Variants in PPP1R12B observed in about 807,000 individuals in gnomAD.
PPP1R12B encodes the protein myosin phosphatase target subunit 2.
PPP1R12B carries 76 observed loss-of-function variants against 126.1 expected under a neutral mutation model. That is an observed-to-expected ratio of 0.60 (90% confidence interval 0.50 to 0.73). The LOEUF (loss-of-function observed/expected upper bound fraction) is 0.73. PPP1R12B is among the 30% of genes least tolerant of loss of function. PPP1R12B has a pLI of 0.00. For synonymous variants in PPP1R12B, 356 were observed against 434.7 expected, an observed-to-expected ratio of 0.82 and a Z score of 2.25; for missense variants, 1,052 against 1,205.1, an observed-to-expected ratio of 0.87 and a Z score of 1.88.
chr1:202,385,868 G>A (rs1663029830), intron 1 of PPP1R12B, among the ~76,000 whole-genome samples: 1 of 152,000 alleles, frequency 6.6e-6, no homozygotes, highest in Admixed American at 6.6e-5. Context: ...AGGGATGAAG[G>A]GACAATTATA....
chr1:202,520,824 A>C (rs746351072), intron 18 of PPP1R12B, among the ~76,000 whole-genome samples: 6 of 152,238 alleles, frequency 3.9e-5, no homozygotes, highest in Admixed American at 1.3e-4. Context: ...AAGGTTTTAA[A>C]AAATACATAG....
At position 202,449,011 on chromosome 1, in the gene PPP1R12B, G is replaced by T; in HGVS notation, c.1690G>T (p.Asp564Tyr). 3 of 1,613,698 alleles carry T rather than the reference G, an allele frequency of 1.9e-6. No individual in the cohort carries two copies. Among genetic ancestry groups the T allele is most frequent in the South Asian group, 2.2e-5 (2 of 91,052 alleles). ...CAGGACTCCTCACAAATCCCAGGCC[G>T]ACACAACAGCAGAGAAAACAGCAGA... Reference protein sequence around the residue: ...LKRTPHKSQADTTAEKTADNV... With the variant: ...LKRTPHKSQAYTTAEKTADNV... The change falls in exon 13 of 24, where the codon GAC (aspartate) becomes TAC (tyrosine). Residue 564 changes from aspartate (D) to tyrosine (Y), a missense_variant. By Grantham distance (160) the Asp-to-Tyr change is radical (BLOSUM62 -3). Transcript: ENST00000608999.
chr1:202,411,939 A>G (rs1667449923), intron 1 of PPP1R12B, among the ~76,000 whole-genome samples: 3 of 152,190 alleles, frequency 2.0e-5, no homozygotes, highest in South Asian at 2.1e-4. Flanking sequence ...TGCTGGGACT[A>G]CAGGTGTGAG....
chr1:202,573,571 C>G (rs772012251), intron 23 of PPP1R12B, among the ~76,000 whole-genome samples: 51 of 152,010 alleles, frequency 3.4e-4, no homozygotes, highest in Admixed American at 5.2e-4. Context: ...TCTGTGAAAC[C>G]CCATTTGCAT....
chr1:202,445,101 A>C, intron 12 of PPP1R12B: 1 of 1,247,226 alleles, frequency 8.0e-7, no homozygotes, highest in Non-Finnish European at 1.0e-6. Flanking sequence ...AGCCAATCGC[A>C]ATTCATCTCC....
chr1:202,364,380 A>C (rs1454595755), intron 1 of PPP1R12B, among the ~76,000 whole-genome samples: 5 of 152,042 alleles, frequency 3.3e-5, no homozygotes, highest in Non-Finnish European at 7.4e-5. Context: ...GGATTCTATT[A>C]AGAATTGGTT....
intron 23 of PPP1R12B, chr1:202,577,376 T>C (rs1255875417): frequency 6.6e-6 from 1 of 152,228 alleles, no homozygotes; most frequent in East Asian, 1.9e-4. Context: ...TGTTTACATA[T>C]TATTGTTATG....
intron 2 of PPP1R12B, among the ~76,000 whole-genome samples, chr1:202,420,141 A>AT (rs1668566282): frequency 6.6e-6 from 1 of 152,112 alleles, no homozygotes; most frequent in African/African-American, 2.4e-5. Context: ...TTTCAGCTTA[A>AT]TTTTTTTTCT....
At chr1:202,488,766 C>A in intron 14 of PPP1R12B, 143 bp downstream of exon 14, 1 of 769,632 alleles carries the variant, frequency 1.3e-6, no homozygotes, top group South Asian at 1.8e-5. Context: ...CGTGGTGGCT[C>A]ACACCTGTAA....
intron 18 of PPP1R12B, among the ~76,000 whole-genome samples, chr1:202,513,462 C>T (rs1176947962): frequency 2.0e-5 from 3 of 152,046 alleles, no homozygotes; most frequent in Admixed American, 1.3e-4. Flanking sequence ...TGCTTTTGGA[C>T]ATGCTGAGTT....
chr1:202,444,393 C>T (rs565370920), intron 12 of PPP1R12B, among the ~76,000 whole-genome samples: 95 of 152,288 alleles, frequency 6.2e-4, no homozygotes, highest in African/African-American at 2.1e-3. Flanking sequence ...TGTCTTCAAT[C>T]AAAACAAATA....
At chr1:202,535,756 C>A (rs1332290979) in intron 18 of PPP1R12B, among the ~76,000 whole-genome samples, 2 of 152,146 alleles carry the variant, frequency 1.3e-5, no homozygotes, top group East Asian at 3.8e-4. Context: ...CTGTAGAAGT[C>A]TGTGGTCAAG....
chr1:202,359,626 G>A (rs1162158137), intron 1 of PPP1R12B, among the ~76,000 whole-genome samples: 6 of 138,088 alleles, frequency 4.3e-5, no homozygotes, highest in Admixed American at 3.2e-4. Flanking sequence ...CTAAAAATAC[G>A]AAAAATTAGC....
At chr1:202,397,931 A>G (rs1276792029) in intron 1 of PPP1R12B, among the ~76,000 whole-genome samples, 1 of 152,154 alleles carries the variant, frequency 6.6e-6, no homozygotes, top group East Asian at 1.9e-4. Context: ...TTTACTTTTG[A>G]GATGGAGTCT....
intron 18 of PPP1R12B, among the ~76,000 whole-genome samples, chr1:202,545,714 G>A (rs1322209758): frequency 2.6e-5 from 4 of 152,176 alleles, no homozygotes; most frequent in South Asian, 2.1e-4. Flanking sequence ...TAGGTTCAGG[G>A]TGTTTTAGAT....
chr1:202,553,500 GA>G (rs1291978208), intron 18 of PPP1R12B, among the ~76,000 whole-genome samples: 1 of 152,198 alleles, frequency 6.6e-6, no homozygotes, highest in Non-Finnish European at 1.5e-5. Context: ...ACCAATTGGA[GA>G]AAAGATTCAT....
intron 21 of PPP1R12B, among the ~76,000 whole-genome samples, chr1:202,564,972 A>G (rs1271476644): frequency 6.6e-6 from 1 of 152,230 alleles, no homozygotes; most frequent in Non-Finnish European, 1.5e-5. Context: ...TTAAGCCTAG[A>G]GAAGTAAGTG....
chr1:202,551,905 A>G (rs1359570520), intron 18 of PPP1R12B, among the ~76,000 whole-genome samples: 1 of 152,224 alleles, frequency 6.6e-6, no homozygotes, highest in Non-Finnish European at 1.5e-5. Flanking sequence ...ACCTCACAGG[A>G]CTGGATTCCT....
At chr1:202,397,813 G>A (rs1018533760) in intron 1 of PPP1R12B, among the ~76,000 whole-genome samples, 2 of 152,212 alleles carry the variant, frequency 1.3e-5, no homozygotes, top group African/African-American at 4.8e-5. Context: ...TAAATACTAT[G>A]CATGTAGCTA....
Sources: allele counts gnomAD v4.1 joint callset (sites outside exome capture counted in the v4.1 genomes callset), GRCh38; gene constraint gnomAD v4.1.1; transcripts MANE v1.5; gene names NCBI Gene and HGNC (gene_info 2026-07-23, HGNC 2026-07-21).